The following ATR variants were observed in gnomAD, a reference collection of about 807,000 sequenced individuals.
ATR encodes the protein serine/threonine-protein kinase ATR.
A neutral mutation model predicts 305.3 loss-of-function variants in ATR; 142 were observed. The observed-to-expected ratio is 0.47, with a 90% confidence interval of 0.41 to 0.53. The LOEUF (loss-of-function observed/expected upper bound fraction) is 0.53. Ranked by LOEUF, ATR falls within the 20% of genes least tolerant of loss-of-function variation. The probability of loss-of-function intolerance (pLI) is 0.00; values close to 1 mark genes in which losing one functional copy is unlikely to be tolerated. For missense variants in ATR, 2,135 were observed against 3,133.1 expected, an observed-to-expected ratio of 0.68 and a Z score of 7.60; for synonymous variants, 1,050 against 1,068.1, an observed-to-expected ratio of 0.98 and a Z score of 0.33.
At chr3:142,563,210 C>T in intron 3 of ATR, 101 bp from the exon 4 acceptor site, 2 of 1,192,438 alleles carry the variant, frequency 1.7e-6, no homozygotes, top group Non-Finnish European at 1.2e-6. Context: ...ATAAACTTCA[C>T]TAACAAGAGT....
chr3:142,524,326 C>G, intron 21 of ATR, 127 bp from the exon 22 acceptor site: 1 of 932,574 alleles, frequency 1.1e-6, no homozygotes, highest in South Asian at 1.7e-5. Context: ...ATTTCTGTAT[C>G]TGCAATTTTT....
At chr3:142,560,189 T>C (rs917626182) in intron 6 of ATR, 74 bp downstream of exon 6, 2 of 1,434,450 alleles carry the variant, frequency 1.4e-6, no homozygotes, top group African/African-American at 2.8e-5. Context: ...ATGAGTCAAG[T>C]GAATAATGAG....
intron 36 of ATR, among the ~76,000 whole-genome samples, chr3:142,478,917 C>T (rs1231609103): frequency 1.3e-5 from 2 of 152,178 alleles, no homozygotes; most frequent in African/African-American, 4.8e-5. Flanking sequence ...TCAACCCCTG[C>T]CTTTTTTTGT....
chr3:142,516,252 T>G (rs1456970707), intron 24 of ATR, among the ~76,000 whole-genome samples: 1 of 152,136 alleles, frequency 6.6e-6, no homozygotes, highest in African/African-American at 2.4e-5. Flanking sequence ...AGCATTCTCT[T>G]GGTAATATCC....
At chr3:142,466,196 C>T (rs1577507093) in intron 40 of ATR, 128 bp downstream of exon 40, 1 of 1,100,504 alleles carries the variant, frequency 9.1e-7, no homozygotes, top group East Asian at 2.6e-5. Context: ...TTTTACTCTT[C>T]TGTATTTCCA....
chr3:142,566,022 A>C (rs2108493323), intron 3 of ATR, 99 bp downstream of exon 3: 1 of 1,542,824 alleles, frequency 6.5e-7, no homozygotes. Flanking sequence ...AAGCTGACCC[A>C]AAAAAGTATA....
chr3:142,546,670 C>T (rs1178531150), intron 16 of ATR, among the ~76,000 whole-genome samples: 1 of 151,912 alleles, frequency 6.6e-6, no homozygotes, highest in African/African-American at 2.4e-5. Flanking sequence ...GTAAAGAAGC[C>T]TAAATATGAG....
At chr3:142,486,959 C>CAAAAAAAAA (rs60024459) in intron 35 of ATR, among the ~76,000 whole-genome samples, 1,387 of 66,906 alleles carry the variant, frequency 0.021, no homozygotes, top group Middle Eastern at 0.042. Context: ...ACTAAAAATA[C>CAAAAAAAAA]AAAAAAAAAA....
At chr3:142,522,093 G>A (rs1016681798) in intron 23 of ATR, among the ~76,000 whole-genome samples, 103 of 152,108 alleles carry the variant, frequency 6.8e-4, no homozygotes, top group African/African-American at 2.4e-3. Flanking sequence ...AACCACCACG[G>A]TAATTAATCA....
rs2108270716 is a variant in ATR at position 142,465,082 on chromosome 3, A to G, written c.7041+15T>C. On this transcript the variant is annotated intron_variant, in intron 41 of 46. Transcript: ENST00000350721. ...AAAAATAAATAAATAAAATAAAAGC[A>G]AACTATCTCCCAACCTTATTAATCA... 7.1e-7 allele frequency: 1 copy of G among 1,412,840 alleles called. No individual in the cohort carries two copies. Among genetic ancestry groups the G allele is most frequent in the African/African-American group, 1.5e-5 (1 of 67,770 alleles). 87.5% of individuals were successfully genotyped at this position (1,412,840 alleles called of 1,614,324 possible).
At chr3:142,495,739 G>A (rs144862509) in intron 34 of ATR, among the ~76,000 whole-genome samples, 6,095 of 150,950 alleles carry the variant, frequency 0.04, 409 homozygotes, top group African/African-American at 0.14. Flanking sequence ...GTGAGACTCC[G>A]GTTCAAAATA....
chr3:142,538,464 T>C lies in ATR; in HGVS notation c.3725+18A>G, dbSNP rs73864554. Reference sequence around the variant, plus strand: ...GTTTAAAAAGTTATTATTTTACTATTAATTTCAGTTACAATACCTGTTTTC... The same window carrying C: ...GTTTAAAAAGTTATTATTTTACTATCAATTTCAGTTACAATACCTGTTTTC... On this transcript the variant is annotated intron_variant, in intron 19 of 46. Transcript: ENST00000350721. The C allele has an allele frequency of 6.0e-3, 9,602 of 1,604,304 alleles. 466 individuals are homozygous for C. The African/African-American group carries it at 0.11, about 19-fold the overall frequency.
chr3:142,558,788 C>T lies in ATR; in HGVS notation c.1733-12G>A. 1.9e-6 allele frequency: 3 copies of T among 1,594,694 alleles called. No homozygotes were observed. Among genetic ancestry groups the T allele is most frequent in the Non-Finnish European group, 2.6e-6 (3 of 1,165,404 alleles). The stretch of plus-strand genomic sequence containing the variant: ...AAATGAACTGTTTACTACAGAAGCA[C>T]AAAATAAGTCATTAATTATAACTTT... On this transcript the variant is annotated splice_polypyrimidine_tract_variant and intron_variant, in intron 7 of 46. Transcript: ENST00000350721.
At chr3:142,455,253 G>GA (rs1000608859) in intron 45 of ATR, among the ~76,000 whole-genome samples, 9 of 151,954 alleles carry the variant, frequency 5.9e-5, no homozygotes, top group African/African-American at 2.2e-4. Flanking sequence ...AAACATTGAT[G>GA]AAAAAAATAA....
intron 9 of ATR, 52 bp downstream of exon 9, chr3:142,556,330 AT>A: frequency 6.4e-7 from 1 of 1,567,156 alleles, no homozygotes; most frequent in Non-Finnish European, 8.8e-7. Flanking sequence ...TAGCCAGACA[AT>A]TATGATCTTT....
rs2108261454 is a variant in ATR at position 142,459,262 on chromosome 3, C to G, written c.7314G>C (p.Glu2438Asp). 6.2e-7 allele frequency: 1 copy of G among 1,613,936 alleles called. No homozygotes were observed. The highest frequency in any genetic ancestry group is 1.1e-5 in the South Asian group (1 of 91,066). ...GATCAGGGAATGTTCTCAGAAACCA[C>G]TCATGAAAAATAGGAGGATGCCTGG... ...LLPRHPPIFH[E>D]WFLRTFPDPT... The change falls in exon 43 of 47, where the codon GAG (glutamate) becomes GAC (aspartate). Residue 2438 changes from glutamate (E) to aspartate (D), a missense_variant. Physicochemically the swap from Glu to Asp is conservative, Grantham distance 45 (BLOSUM62 2). Coordinates refer to ENST00000350721, the MANE Select transcript of ATR (RefSeq NM_001184.4).
intron 46 of ATR, chr3:142,451,333 C>G: frequency 7.7e-7 from 1 of 1,294,348 alleles, no homozygotes; most frequent in Non-Finnish European, 1.0e-6. Context: ...AGTGTTGCAA[C>G]AAAAAATTTT....
At chr3:142,540,294 G>A (rs149047014) in intron 18 of ATR, among the ~76,000 whole-genome samples, 7 of 152,208 alleles carry the variant, frequency 4.6e-5, no homozygotes, top group African/African-American at 1.4e-4. Context: ...ATACACATAT[G>A]TAAACTTCAT....
At chr3:142,557,478 T>G (rs1266249878) in intron 8 of ATR, among the ~76,000 whole-genome samples, 1 of 152,070 alleles carries the variant, frequency 6.6e-6, no homozygotes, top group African/African-American at 2.4e-5. Flanking sequence ...AAGATAGTGT[T>G]GATCAACAAA....
Sources: gnomAD v4.1 joint callset for allele counts (sites outside exome capture counted in the v4.1 genomes callset) on GRCh38, gnomAD v4.1.1 for gene constraint, MANE v1.5 for transcripts, NCBI Gene and HGNC (gene_info 2026-07-23, HGNC 2026-07-21) for gene names.